Variants in MSTO1 observed in about 807,000 individuals in gnomAD.
MSTO1 encodes the protein protein misato homolog 1.
Under a neutral mutation model 55.7 loss-of-function variants are expected in MSTO1, and 24 were observed. The ratio of observed to expected loss-of-function variants is 0.43; its 90% CI spans 0.31 to 0.61. MSTO1 has a LOEUF of 0.61. Ranked by LOEUF, MSTO1 falls within the 20% of genes least tolerant of loss-of-function variation. The pLI is 0.09. For missense variants in MSTO1, 363 were observed against 625.7 expected (o/e 0.58, Z 4.48); for synonymous variants, 162 against 252.8 (o/e 0.64, Z 3.41).
At chr1:155,599,090 G>A in the MSTO1 span, among the ~76,000 whole-genome samples, 1 of 152,038 alleles carries the variant, frequency 6.6e-6, no homozygotes, top group South Asian at 2.1e-4. Context: ...CAGGCGGATT[G>A]CCTGAGCTTA....
the MSTO1 span, among the ~76,000 whole-genome samples, chr1:155,581,793 C>G: frequency 6.6e-6 from 1 of 151,202 alleles, no homozygotes; most frequent in African/African-American, 2.4e-5. Context: ...TTAATTTTTA[C>G]CATAATTTTT....
At chr1:155,583,964 G>C in the MSTO1 span, among the ~76,000 whole-genome samples, 3 of 152,220 alleles carry the variant, frequency 2.0e-5, no homozygotes, top group Non-Finnish European at 4.4e-5. Context: ...AGGCAGGCCA[G>C]TAGAGACCAC....
chr1:155,609,250 T>A (rs1243002077), upstream of MSTO1, among the ~76,000 whole-genome samples: 18 of 117,376 alleles, frequency 1.5e-4, no homozygotes, highest in South Asian at 1.9e-3. Context: ...TATATTTTTT[T>A]TTTTTTTTTT....
chr1:155,569,924 A>G, the MSTO1 span, among the ~76,000 whole-genome samples: 18 of 152,212 alleles, frequency 1.2e-4, no homozygotes, highest in African/African-American at 1.9e-4. Flanking sequence ...AAGTTTGGAC[A>G]GTATTTCTTT....
At chr1:155,576,890 T>C in the MSTO1 span, among the ~76,000 whole-genome samples, 1 of 146,662 alleles carries the variant, frequency 6.8e-6, no homozygotes. Context: ...TGGCAGGCGC[T>C]TGTAATCCCA....
At position 155,610,221 on chromosome 1, in the gene MSTO1, G is replaced by A; in HGVS notation, c.-28G>A. The A allele has an allele frequency of 1.6e-6, 1 of 608,372 alleles. No homozygotes were observed. Among genetic ancestry groups the A allele is most frequent in the Admixed American group, 2.9e-5 (1 of 34,498 alleles). The allele number at this position is 608,372 out of a possible 1,614,324, so 37.7% of individuals were successfully genotyped here. On this transcript the variant is annotated 5_prime_UTR_variant, in exon 1 of 14. Transcript: ENST00000245564. The stretch of plus-strand genomic sequence containing the variant: ...AGGAGCAGCGAGCGGCGCGGCTGAG[G>A]CGCGGCGGCCCCGTGGAGCAGCGCA...
At chr1:155,598,725 C>T in the MSTO1 span, 2 of 543,088 alleles carry the variant, frequency 3.7e-6, no homozygotes, top group African/African-American at 3.9e-5. Context: ...CAGTCTCAAA[C>T]AGCAAGAACA....
upstream of MSTO1, among the ~76,000 whole-genome samples, chr1:155,609,243 A>ATTTTTTTTTT (rs1185140621): frequency 1.8e-5 from 1 of 54,590 alleles, no homozygotes; most frequent in African/African-American, 7.3e-5. Context: ...ATATATATAT[A>ATTTTTTTTTT]TTTTTTTTTT....
In MSTO1 at chr1:155,613,112, C is replaced by T. The variant is rs1347842467; in HGVS notation, c.1162C>T (p.Leu388=). Residue 388 remains leucine, a synonymous_variant, in exon 11 of 14, where the codon CTG becomes TTG. Transcript: ENST00000245564. ...LAPGQSLPDS[L]MQFGGATPWT... ...TCCAGGCCAGTCCCTTCCTGATTCC[C>T]TGATGCAGTTTGGAGGAGCCACCCC... The T allele has an allele frequency of 6.2e-7, 1 of 1,613,728 alleles. No homozygotes were observed. Among genetic ancestry groups the T allele is most frequent in the Non-Finnish European group, 8.5e-7 (1 of 1,179,954 alleles).
At position 155,614,691 on chromosome 1, in the gene MSTO1, T is replaced by G; in HGVS notation, c.*418T>G. 1.3e-6 allele frequency: 2 copies of G among 1,564,098 alleles called. No individual in the cohort carries two copies. Among genetic ancestry groups the G allele is most frequent in the Non-Finnish European group, 1.8e-6 (2 of 1,135,606 alleles). On this transcript the variant is annotated 3_prime_UTR_variant, in exon 14 of 14. Coordinates refer to ENST00000245564, the MANE Select transcript of MSTO1 (RefSeq NM_018116.4). ...CCCCGGTGCCAGGGCGCCTGTTGGG[T>G]TTGGTCCTGTGTAGATGATTCCCAG... is the stretch of plus-strand genomic sequence containing the variant.
At chr1:155,587,159 T>C in the MSTO1 span, among the ~76,000 whole-genome samples, 2 of 152,160 alleles carry the variant, frequency 1.3e-5, no homozygotes, top group Non-Finnish European at 1.5e-5. Context: ...TAACTGTGTT[T>C]GGCCGGGCGC....
the MSTO1 span, among the ~76,000 whole-genome samples, chr1:155,567,308 ATTTTTTT>A: frequency 6.5e-5 from 8 of 123,414 alleles, no homozygotes; most frequent in South Asian, 1.8e-3. Context: ...AATTTTTGTA[ATTTTTTT>A]TTTTTTTTTT....
the MSTO1 span, chr1:155,591,119 C>A: frequency 6.2e-7 from 1 of 1,613,528 alleles, no homozygotes; most frequent in Non-Finnish European, 8.5e-7. Flanking sequence ...ATCCACAGGC[C>A]CTCCCACACC....
At position 155,611,366 on chromosome 1, in the gene MSTO1, A is replaced by T; in HGVS notation, c.366+75A>T. On this transcript the variant is annotated intron_variant, in intron 4 of 13. Transcript: ENST00000245564. ...TCTCCATAGGGGCAGGTAAACGGGG[A>T]TTTTAATCATTTTAAGTGTCTTAGA... 2.5e-6 allele frequency: 4 copies of T among 1,612,832 alleles called. No homozygotes were observed. The Admixed American group carries it at 6.7e-5, about 27-fold the overall frequency.
upstream of MSTO1, among the ~76,000 whole-genome samples, chr1:155,608,957 G>A (rs1673153327): frequency 6.7e-6 from 1 of 148,332 alleles, no homozygotes. Flanking sequence ...CTGAGCAGCT[G>A]GGAGTACAAG....
At chr1:155,589,374 T>G in the MSTO1 span, among the ~76,000 whole-genome samples, 1 of 151,694 alleles carries the variant, frequency 6.6e-6, no homozygotes, top group Admixed American at 6.6e-5. Flanking sequence ...TAAGAGAAAG[T>G]TTTGGTGTTT....
chr1:155,580,006 G>A, the MSTO1 span, among the ~76,000 whole-genome samples: 1 of 151,424 alleles, frequency 6.6e-6, no homozygotes, highest in Non-Finnish European at 1.5e-5. Flanking sequence ...AACCCGGGAG[G>A]CAGAGGTTGC....
chr1:155,589,382 T>G, the MSTO1 span, among the ~76,000 whole-genome samples: 4 of 146,614 alleles, frequency 2.7e-5, no homozygotes, highest in Admixed American at 6.9e-5. Context: ...AGTTTTGGTG[T>G]TTTTTTTTTT....
chr1:155,583,540 A>G, the MSTO1 span, among the ~76,000 whole-genome samples: 5 of 152,110 alleles, frequency 3.3e-5, no homozygotes, highest in African/African-American at 4.8e-5. Context: ...GATCTCACAA[A>G]ATAATAAAGT....
Sources: allele counts gnomAD v4.1 joint callset (sites outside exome capture counted in the v4.1 genomes callset), GRCh38; gene constraint gnomAD v4.1.1; transcripts MANE v1.5; gene names NCBI Gene and HGNC (gene_info 2026-07-23, HGNC 2026-07-21).